MAN2A1: variants seen among roughly 807,000 people sequenced by gnomAD.
MAN2A1 encodes the protein mannosidase alpha class 2A member 1, also known as alpha-mannosidase 2.
Under a neutral mutation model 142.6 loss-of-function variants are expected in MAN2A1, and 76 were observed. The observed-to-expected ratio is 0.53, with a 90% CI of 0.44 to 0.65. The LOEUF is 0.65. Among genes scored for constraint, MAN2A1 ranks in the 30% least tolerant of loss-of-function variants. MAN2A1 has a pLI of 0.00. For synonymous variants in MAN2A1, 559 were observed against 473.2 expected (o/e 1.18, Z -2.35); for missense variants, 1,311 against 1,365.1 (o/e 0.96, Z 0.62).
At chr5:109,755,939 T>G (rs1484678135) in intron 5 of MAN2A1, among the ~76,000 whole-genome samples, 1 of 152,014 alleles carries the variant, frequency 6.6e-6, no homozygotes, top group Non-Finnish European at 1.5e-5. Context: ...CTTCACAAGG[T>G]GAGTAAGATG....
At chr5:109,740,477 G>A (rs1354258157) in intron 4 of MAN2A1, among the ~76,000 whole-genome samples, 1 of 152,134 alleles carries the variant, frequency 6.6e-6, no homozygotes, top group African/African-American at 2.4e-5. Flanking sequence ...ACCTCAGAAG[G>A]AAACTGGGTC....
intron 1 of MAN2A1, among the ~76,000 whole-genome samples, chr5:109,712,178 G>C (rs545972662): frequency 6.6e-6 from 1 of 151,704 alleles, no homozygotes; most frequent in East Asian, 1.9e-4. Flanking sequence ...CAAATGATTG[G>C]CCTTTTCTTG....
At chr5:109,789,138 A>G in intron 11 of MAN2A1, 90 bp downstream of exon 11, 1 of 660,656 alleles carries the variant, frequency 1.5e-6, no homozygotes, top group South Asian at 2.3e-5. Context: ...ATGAAAAAAG[A>G]CATTGAAATA....
intron 12 of MAN2A1, among the ~76,000 whole-genome samples, chr5:109,800,215 A>T (rs993908397): frequency 1.3e-5 from 2 of 152,104 alleles, no homozygotes; most frequent in Non-Finnish European, 2.9e-5. Flanking sequence ...TTTAGAACTC[A>T]GCTTAGATGT....
intron 5 of MAN2A1, among the ~76,000 whole-genome samples, chr5:109,758,647 A>C (rs1752755626): frequency 6.7e-6 from 1 of 149,264 alleles, no homozygotes; most frequent in South Asian, 2.1e-4. Flanking sequence ...CATTTATGTC[A>C]GTGATTAAAT....
chr5:109,690,388 A>T lies in MAN2A1; in HGVS notation c.-30A>T. The T allele has an allele frequency of 1.9e-6, 3 of 1,613,676 alleles. No homozygotes were observed. Among genetic ancestry groups the T allele is most frequent in the Non-Finnish European group, 2.5e-6 (3 of 1,179,630 alleles). ...TGCGCTGTCTCCTTTGGCTGAGGAG[A>T]GTGTCCTGGCCCCGAGTCTATCGAG... On this transcript the variant is annotated 5_prime_UTR_variant, in exon 1 of 22. Transcript: ENST00000261483.
intron 19 of MAN2A1, among the ~76,000 whole-genome samples, chr5:109,852,314 C>T (rs1407631718): frequency 6.6e-6 from 1 of 152,094 alleles, no homozygotes; most frequent in African/African-American, 2.4e-5. Flanking sequence ...CACCCTTCCT[C>T]TCTAGTGTTC....
chr5:109,734,303 G>GA (rs71626619), intron 4 of MAN2A1, among the ~76,000 whole-genome samples: 12,010 of 135,638 alleles, frequency 0.089, 562 homozygotes, highest in African/African-American at 0.15. Context: ...TTGATCTTTT[G>GA]AAAAAAAAAA....
At chr5:109,820,843 C>T (rs1754603627) in intron 15 of MAN2A1, among the ~76,000 whole-genome samples, 1 of 152,034 alleles carries the variant, frequency 6.6e-6, no homozygotes, top group South Asian at 2.1e-4. Context: ...TAAGATGCTA[C>T]AATGAACAAT....
intron 17 of MAN2A1, 145 bp from the exon 18 acceptor site, chr5:109,845,720 G>T: frequency 1.8e-6 from 1 of 551,448 alleles, no homozygotes; most frequent in Non-Finnish European, 3.0e-6. Context: ...TTTAAATAAT[G>T]TTTTAATTTT....
intron 1 of MAN2A1, among the ~76,000 whole-genome samples, chr5:109,709,018 G>C (rs555815852): frequency 6.6e-6 from 1 of 152,264 alleles, no homozygotes; most frequent in Admixed American, 6.5e-5. Context: ...AACCACCTGG[G>C]TTTCACTTTG....
intron 1 of MAN2A1, among the ~76,000 whole-genome samples, chr5:109,691,733 G>A (rs577759202): frequency 2.2e-4 from 34 of 152,240 alleles, no homozygotes; most frequent in African/African-American, 8.2e-4. Context: ...GTCGGTGAGA[G>A]GTTTTAAAAA....
At chr5:109,743,786 A>C (rs1378137748) in intron 4 of MAN2A1, among the ~76,000 whole-genome samples, 1 of 152,224 alleles carries the variant, frequency 6.6e-6, no homozygotes, top group Non-Finnish European at 1.5e-5. Context: ...TTAGTTTTCT[A>C]ATATGTGAGT....
intron 4 of MAN2A1, among the ~76,000 whole-genome samples, chr5:109,732,756 G>C (rs1751954959): frequency 6.6e-6 from 1 of 152,070 alleles, no homozygotes; most frequent in Non-Finnish European, 1.5e-5. Flanking sequence ...TGCTGTTTTG[G>C]TTACTGTAGC....
chr5:109,690,671 C>G, intron 1 of MAN2A1, 119 bp downstream of exon 1: 1 of 1,160,592 alleles, frequency 8.6e-7, no homozygotes, highest in Non-Finnish European at 1.2e-6. Flanking sequence ...TGGGCGAGGC[C>G]AGGGGCTCTG....
At chr5:109,789,554 T>G in intron 12 of MAN2A1, 27 bp downstream of exon 12, 1 of 1,488,496 alleles carries the variant, frequency 6.7e-7, no homozygotes, top group Non-Finnish European at 9.1e-7. Flanking sequence ...TTACAAATGT[T>G]TACCACTTTC....
At chr5:109,819,944 G>C in intron 14 of MAN2A1, 57 bp downstream of exon 14, 1 of 1,249,040 alleles carries the variant, frequency 8.0e-7, no homozygotes, top group Non-Finnish European at 1.1e-6. Context: ...GCTACAATGT[G>C]TGTAGATTAA....
At chr5:109,822,596 A>G (rs1415408006) in intron 15 of MAN2A1, among the ~76,000 whole-genome samples, 3 of 152,132 alleles carry the variant, frequency 2.0e-5, no homozygotes, top group Non-Finnish European at 4.4e-5. Flanking sequence ...AAATTTGTAA[A>G]CCATTAAGCA....
At chr5:109,691,095 A>G (rs1750658363) in intron 1 of MAN2A1, among the ~76,000 whole-genome samples, 1 of 151,888 alleles carries the variant, frequency 6.6e-6, no homozygotes, top group Non-Finnish European at 1.5e-5. Context: ...GTGAATCTCT[A>G]GGTTGATTTT....
Sources: gnomAD v4.1 joint callset for allele counts (sites outside exome capture counted in the v4.1 genomes callset) on GRCh38, gnomAD v4.1.1 for gene constraint, MANE v1.5 for transcripts, NCBI Gene and HGNC (gene_info 2026-07-23, HGNC 2026-07-21) for gene names.